Variants in SPG21 observed in about 807,000 individuals in gnomAD.
SPG21 encodes the protein maspardin.
Under a neutral mutation model 38.9 loss-of-function variants are expected in SPG21, and 26 were observed. The ratio of observed to expected loss-of-function variants is 0.67; its 90% CI spans 0.49 to 0.93. The LOEUF is 0.93. Among genes scored for constraint, SPG21 ranks in the 40% least tolerant of loss-of-function variants. SPG21 has a pLI of 0.00. For missense variants in SPG21, 333 were observed against 376.5 expected (o/e 0.88, Z 0.96); for synonymous variants, 136 against 128.9 (o/e 1.05, Z -0.37).
chr15:64,986,506 C>T (rs1041609187), intron 1 of SPG21, among the ~76,000 whole-genome samples: 6 of 151,740 alleles, frequency 4.0e-5, no homozygotes, highest in Non-Finnish European at 7.4e-5. Flanking sequence ...ACCAACATGG[C>T]GAAACCCCAT....
At chr15:64,967,304 A>G (rs2085559012) in intron 7 of SPG21, among the ~76,000 whole-genome samples, 1 of 152,030 alleles carries the variant, frequency 6.6e-6, no homozygotes, top group Non-Finnish European at 1.5e-5. Flanking sequence ...TAAAAGCAGG[A>G]ACTCAAACAA....
chr15:64,968,341 A>C (rs1441621158), intron 7 of SPG21, among the ~76,000 whole-genome samples: 8 of 11,792 alleles, frequency 6.8e-4, no homozygotes, highest in African/African-American at 9.7e-4. Context: ...CCCTGTTTCC[A>C]AAAAAAAAAA....
chr15:64,983,428 A>T, intron 2 of SPG21, 79 bp downstream of exon 2: 1 of 1,026,300 alleles, frequency 9.7e-7, no homozygotes, highest in Non-Finnish European at 1.5e-6. Flanking sequence ...CTCAAACACT[A>T]CTAAGACATG....
Position 64,965,335 on chromosome 15 carries a change from G to A in SPG21, c.795C>T (p.Val265=). ...TAGGCCTTACCTGTACATAAAGATT[G>A]ACCTCTGCACTTCTGCACAGGTATG... ...NFPYLCRSAE[V]NLYVQIHLLQ... is the part of the protein sequence containing the mutation. The change falls in exon 8 of 9, where the codon GTC becomes GTT. Residue 265 remains valine, a synonymous_variant. Coordinates refer to ENST00000204566, the MANE Select transcript of SPG21 (RefSeq NM_016630.7). 1 of 1,614,164 alleles carries A rather than the reference G, an allele frequency of 6.2e-7. No individual in the cohort carries two copies. The highest frequency in any genetic ancestry group is 1.1e-5 in the South Asian group (1 of 91,080).
chr15:64,985,099 C>T (rs1231273605), intron 1 of SPG21, among the ~76,000 whole-genome samples: 1 of 152,092 alleles, frequency 6.6e-6, no homozygotes, highest in African/African-American at 2.4e-5. Context: ...CTCATATGGA[C>T]GTGATTAAAA....
intron 1 of SPG21, among the ~76,000 whole-genome samples, chr15:64,985,393 A>G (rs1232563642): frequency 2.0e-5 from 3 of 152,206 alleles, no homozygotes; most frequent in African/African-American, 7.2e-5. Flanking sequence ...TCTAAGGAGA[A>G]TGAAGGGGGC....
At chr15:64,969,851 G>A (rs1341179010) in intron 6 of SPG21, among the ~76,000 whole-genome samples, 7 of 152,174 alleles carry the variant, frequency 4.6e-5, no homozygotes, top group East Asian at 1.9e-4. Context: ...CAGATCCCAT[G>A]CCCAGGGATT....
chr15:64,977,167 C>T (rs757554830), intron 3 of SPG21, among the ~76,000 whole-genome samples: 4 of 151,406 alleles, frequency 2.6e-5, no homozygotes, highest in Admixed American at 6.6e-5. Context: ...CGGGTTTGAA[C>T]GATTCTCCTA....
chr15:64,979,970 T>C (rs545569211), intron 3 of SPG21, among the ~76,000 whole-genome samples: 2 of 151,836 alleles, frequency 1.3e-5, no homozygotes, highest in East Asian at 3.9e-4. Flanking sequence ...AGCTATAAAG[T>C]AACAATCAGG....
At chr15:64,981,392 C>T (rs370139102) in intron 2 of SPG21, 12 of 235,794 alleles carry the variant, frequency 5.1e-5, no homozygotes, top group African/African-American at 2.1e-4. Flanking sequence ...CAGGTTCAAG[C>T]GATTCTCCTG....
intron 3 of SPG21, among the ~76,000 whole-genome samples, chr15:64,979,092 C>T (rs2140437197): frequency 6.6e-6 from 1 of 152,298 alleles, no homozygotes; most frequent in East Asian, 1.9e-4. Flanking sequence ...CTGATCACAT[C>T]TTGATGACAA....
At chr15:64,985,016 T>A (rs28520559) in intron 1 of SPG21, among the ~76,000 whole-genome samples, 7,159 of 152,246 alleles carry the variant, frequency 0.047, 586 homozygotes, top group African/African-American at 0.16. Context: ...CCCAAAGTGC[T>A]GGGATTACAG....
At chr15:64,980,801 C>T in intron 3 of SPG21, 63 bp downstream of exon 3, 1 of 1,555,538 alleles carries the variant, frequency 6.4e-7, no homozygotes, top group East Asian at 2.2e-5. Context: ...TGATGAGAGA[C>T]AGAAGCATAA....
intron 3 of SPG21, among the ~76,000 whole-genome samples, chr15:64,977,813 C>T (rs1053595124): frequency 4.0e-5 from 6 of 151,870 alleles, no homozygotes; most frequent in African/African-American, 1.5e-4. Context: ...AGGTTTGTCC[C>T]CTAAGAATTC....
chr15:64,986,886 A>G lies in SPG21; in HGVS notation c.-25+2779T>C, dbSNP rs778804951. Among the ~76,000 whole-genome samples, 129 of 152,216 alleles carry G rather than the reference A, an allele frequency of 8.5e-4. 4 individuals carry two copies. Among genetic ancestry groups the G allele is most frequent in the Non-Finnish European group, 5.3e-4 (36 of 68,028 alleles). On this transcript the variant is annotated intron_variant, in intron 1 of 8. Coordinates refer to ENST00000204566, the MANE Select transcript of SPG21 (RefSeq NM_016630.7). ...ATCATCTAAATACTTCTTAATGGAGACATTTCCTAGTATTGCATTATTAGA... is the reference window on the plus strand; with the variant it reads ...ATCATCTAAATACTTCTTAATGGAGGCATTTCCTAGTATTGCATTATTAGA...
chr15:64,970,245 A>G (rs757023552), intron 5 of SPG21, 23 bp from the exon 6 acceptor site: 1 of 1,571,462 alleles, frequency 6.4e-7, no homozygotes, highest in East Asian at 2.2e-5. Flanking sequence ...AAGACCTTAT[A>G]ATTTAAACTT....
rs762934056 is a variant in SPG21, at chr15:64,965,443, C to T, written c.687G>A (p.Ala229=). The T allele has an allele frequency of 2.7e-5, 44 of 1,614,008 alleles. 1 individual carries two copies. The Admixed American group carries it at 3.0e-4, about 11-fold the overall frequency. ...TTTCTTCTTTAGCTTCAGTTGAAAGCGCACTCTGATCAAACACCTTTAAAA... is the reference window on the plus strand; with the variant it reads ...TTTCTTCTTTAGCTTCAGTTGAAAGTGCACTCTGATCAAACACCTTTAAAA... The part of the protein sequence containing the change: ...VTIMDVFDQS[A]LSTEAKEEMY... Residue 229 remains alanine, a synonymous_variant, in exon 8 of 9, where the codon GCG becomes GCA. Transcript: ENST00000204566.
At chr15:64,979,455 G>A (rs118107420) in intron 3 of SPG21, among the ~76,000 whole-genome samples, 2 of 152,322 alleles carry the variant, frequency 1.3e-5, no homozygotes, top group East Asian at 1.9e-4. Flanking sequence ...GGAGGATTAT[G>A]TTGCAGAGGC....
chr15:64,970,020 A>T, intron 6 of SPG21, 94 bp downstream of exon 6: 1 of 1,035,388 alleles, frequency 9.7e-7, no homozygotes, highest in Non-Finnish European at 1.5e-6. Flanking sequence ...AATACCTCTT[A>T]CACATACTTG....
Sources: allele counts gnomAD v4.1 joint callset (sites outside exome capture counted in the v4.1 genomes callset), GRCh38; gene constraint gnomAD v4.1.1; transcripts MANE v1.5; gene names NCBI Gene and HGNC (gene_info 2026-07-23, HGNC 2026-07-21).